ARMC9: variants seen among roughly 807,000 people sequenced by gnomAD.
ARMC9 encodes the protein lisH domain-containing protein ARMC9.
Under a neutral mutation model 107.0 loss-of-function variants are expected in ARMC9, and 94 were observed. The observed-to-expected ratio is 0.88, with a 90% CI of 0.74 to 1.04. The LOEUF (loss-of-function observed/expected upper bound fraction) is 1.04. Among genes scored for constraint, ARMC9 ranks in the 50% least tolerant of loss-of-function variants. The pLI, the probability that ARMC9 is intolerant of heterozygous loss-of-function variation, is 0.00. For missense variants in ARMC9, 942 were observed against 1,030.1 expected, an observed-to-expected ratio of 0.91 and a Z score of 1.17; for synonymous variants, 380 against 396.9, an observed-to-expected ratio of 0.96 and a Z score of 0.51.
intron 5 of ARMC9, among the ~76,000 whole-genome samples, chr2:231,221,342 C>T (rs7598728): frequency 0.28 from 42,584 of 151,976 alleles, 6,237 homozygotes; most frequent in African/African-American, 0.35. Context: ...ACACACCCTA[C>T]TCCAGTGTGA....
chr2:231,291,408 G>A lies in ARMC9; in HGVS notation c.1682G>A (p.Arg561His), dbSNP rs926913325. The change falls in exon 18 of 25, where the codon CGC (arginine) becomes CAC (histidine). Residue 561 changes from arginine to histidine, a missense_variant. By Grantham distance (29) the Arg-to-His change is conservative. Transcript: ENST00000611582. ...FIKEGNAEMI[R>H]QIEFIIKQLN... The stretch of plus-strand genomic sequence containing the variant: ...AAAGAAGGCAATGCTGAAATGATCC[G>A]CCAGATAGAATTCATCATCAAGCAG... The A allele has an allele frequency of 9.3e-6, 15 of 1,613,472 alleles. No individual in the cohort carries two copies. Among genetic ancestry groups the A allele is most frequent in the African/African-American group, 1.3e-5 (1 of 74,922 alleles).
rs2033542555 is a variant in ARMC9, at chr2:231,216,717, C to G, written c.428C>G (p.Thr143Arg). The stretch of plus-strand genomic sequence containing the variant: ...AAAGGGGCAGCCTTGAGCCAGACCA[C>G]AGAGTTTCTTCCTTTCTATGCCCTT... ...ETKGAALSQT[T>R]EFLPFYALPF... Residue 143 changes from threonine to arginine, a missense_variant, in exon 5 of 25, where the codon ACA becomes AGA. Coordinates refer to ENST00000611582, the MANE Select transcript of ARMC9 (RefSeq NM_001352754.2). 6.2e-6 allele frequency: 10 copies of G among 1,613,988 alleles called. No individual in the cohort carries two copies. The highest frequency in any genetic ancestry group is 7.6e-6 in the Non-Finnish European group (9 of 1,179,866).
chr2:231,225,914 T>C (rs2034598110), intron 6 of ARMC9, among the ~76,000 whole-genome samples: 1 of 152,230 alleles, frequency 6.6e-6, no homozygotes, highest in Admixed American at 6.5e-5. Context: ...TGGAGTGAAA[T>C]GGCGTGATCT....
intron 23 of ARMC9, among the ~76,000 whole-genome samples, chr2:231,368,205 A>G (rs928142432): frequency 6.6e-6 from 1 of 152,120 alleles, no homozygotes; most frequent in Non-Finnish European, 1.5e-5. Flanking sequence ...TAGACCACGT[A>G]CAAAGCTCCT....
chr2:231,359,702 TC>T (rs980344281), intron 22 of ARMC9, among the ~76,000 whole-genome samples: 15 of 152,058 alleles, frequency 9.9e-5, no homozygotes, highest in African/African-American at 3.6e-4. Context: ...CTACGCTTTT[TC>T]TCCTGGCCTT....
intron 20 of ARMC9, among the ~76,000 whole-genome samples, chr2:231,332,439 G>A (rs2043805548): frequency 6.6e-6 from 1 of 152,142 alleles, no homozygotes; most frequent in African/African-American, 2.4e-5. Flanking sequence ...GAACTGAAGA[G>A]GGTTATGGAA....
chr2:231,327,766 T>C, intron 19 of ARMC9, among the ~76,000 whole-genome samples: 1 of 152,120 alleles, frequency 6.6e-6, no homozygotes, highest in East Asian at 1.9e-4. Flanking sequence ...TAGTTGCATG[T>C]TTAGCTTTTT....
At chr2:231,369,537 G>A (rs578185014) in intron 23 of ARMC9, among the ~76,000 whole-genome samples, 4 of 150,776 alleles carry the variant, frequency 2.7e-5, no homozygotes, top group East Asian at 2.0e-4. Context: ...CAGGTGATCC[G>A]CCCGCCTCGG....
At chr2:231,359,082 G>GTTT (rs555726953) in intron 22 of ARMC9, among the ~76,000 whole-genome samples, 12 of 117,816 alleles carry the variant, frequency 1.0e-4, no homozygotes, top group African/African-American at 1.4e-4. Context: ...GGGGTCTCCT[G>GTTT]TTTTTTTTTT....
intron 21 of ARMC9, among the ~76,000 whole-genome samples, chr2:231,355,343 G>C (rs1414492019): frequency 1.3e-5 from 2 of 152,104 alleles, no homozygotes; most frequent in Non-Finnish European, 2.9e-5. Flanking sequence ...CTGTCTCTAA[G>C]AAAAAAAGAA....
chr2:231,334,475 C>T (rs559876844), intron 20 of ARMC9, among the ~76,000 whole-genome samples: 5 of 152,306 alleles, frequency 3.3e-5, no homozygotes, highest in Admixed American at 6.5e-5. Context: ...CTTGTTCCCC[C>T]GGGTGACCCA....
At chr2:231,199,798 C>T (rs887607742) in intron 1 of ARMC9, among the ~76,000 whole-genome samples, 1 of 152,082 alleles carries the variant, frequency 6.6e-6, no homozygotes, top group African/African-American at 2.4e-5. Context: ...TGGGTTCAAG[C>T]GATTCTCTTG....
rs888743084 is a variant in ARMC9, at chr2:231,297,096, G to A, written c.1773+843G>A. Among the ~76,000 whole-genome samples the A allele has an allele frequency of 2.0e-5, 3 of 152,290 alleles. No homozygotes were observed. Among genetic ancestry groups the A allele is most frequent in the South Asian group, 4.1e-4 (2 of 4,822 alleles). ...AAAGCCAGGTTTTTGATCACTGATG[G>A]CATCAGTTGGGAAAGAGGTATTTAA... On this transcript the variant is annotated intron_variant, in intron 19 of 24. Coordinates refer to ENST00000611582, the MANE Select transcript of ARMC9 (RefSeq NM_001352754.2). The surrounding 1 kb of genome is among the most constrained non-coding windows in gnomAD (Gnocchi z 4.2).
rs1172875074 is a variant in ARMC9, at chr2:231,235,319, A to G, written c.718A>G (p.Asn240Asp). The G allele has an allele frequency of 6.2e-7, 1 of 1,614,252 alleles. No individual in the cohort carries two copies. Among genetic ancestry groups the G allele is most frequent in the Non-Finnish European group, 8.5e-7 (1 of 1,180,044 alleles). Reference sequence around the variant, plus strand: ...CAATAAGATCCAGGCCGACTACCACAATCTCATTGGAGTCACAGCAGAGCT... The same window carrying G: ...CAATAAGATCCAGGCCGACTACCACGATCTCATTGGAGTCACAGCAGAGCT... ...RYNKIQADYH[N>D]LIGVTAELVD... Residue 240 changes from asparagine to aspartate, a missense_variant, in exon 8 of 25, where the codon AAT becomes GAT. Transcript: ENST00000611582.
At chr2:231,348,290 G>C (rs1043416439) in intron 21 of ARMC9, among the ~76,000 whole-genome samples, 7 of 152,194 alleles carry the variant, frequency 4.6e-5, no homozygotes, top group Non-Finnish European at 1.0e-4. Context: ...AGTGACGCAA[G>C]GCCATGAGCC....
intron 9 of ARMC9, among the ~76,000 whole-genome samples, chr2:231,250,480 G>C (rs1261966710): frequency 6.6e-6 from 1 of 152,220 alleles, no homozygotes; most frequent in African/African-American, 2.4e-5. Context: ...AACATGGCTA[G>C]TGCACAGTGT....
At chr2:231,229,990 C>T (rs1262683045) in intron 7 of ARMC9, among the ~76,000 whole-genome samples, 2 of 152,064 alleles carry the variant, frequency 1.3e-5, no homozygotes, top group Non-Finnish European at 2.9e-5. Flanking sequence ...TGAAGAGTCT[C>T]AATAAATTTC....
chr2:231,204,439 T>G (rs776009337), intron 1 of ARMC9, among the ~76,000 whole-genome samples: 9 of 152,098 alleles, frequency 5.9e-5, no homozygotes, highest in Non-Finnish European at 8.8e-5. Context: ...TGCTCAATCT[T>G]TGCTGAAATG....
chr2:231,317,020 A>G (rs1407940878), intron 19 of ARMC9, among the ~76,000 whole-genome samples: 2 of 152,100 alleles, frequency 1.3e-5, no homozygotes, highest in Non-Finnish European at 2.9e-5. Context: ...ATAAGAAGCC[A>G]GCTGTTAATT....
Sources: allele counts gnomAD v4.1 joint callset (sites outside exome capture counted in the v4.1 genomes callset), GRCh38; gene constraint gnomAD v4.1.1; non-coding constraint Gnocchi (gnomAD v3.1); transcripts MANE v1.5; gene names NCBI Gene and HGNC (gene_info 2026-07-23, HGNC 2026-07-21).